TNRC6A: variants seen among roughly 807,000 people sequenced by gnomAD.
TNRC6A encodes the protein trinucleotide repeat containing adaptor 6A.
Under a neutral mutation model 221.2 loss-of-function variants are expected in TNRC6A, and 44 were observed. The observed-to-expected ratio is 0.20, with a 90% confidence interval of 0.16 to 0.26. TNRC6A has a LOEUF of 0.26. TNRC6A is among the 10% of genes least tolerant of loss of function. TNRC6A has a pLI of 1.00. For missense variants in TNRC6A, 2,199 were observed against 2,404.4 expected, an observed-to-expected ratio of 0.91 and a Z score of 1.79; for synonymous variants, 847 against 838.5, an observed-to-expected ratio of 1.01 and a Z score of -0.18.
At chr16:24,816,024 T>C (rs1283797763) in intron 19 of TNRC6A, 1 of 152,346 alleles carries the variant, frequency 6.6e-6, no homozygotes, top group African/African-American at 2.4e-5. Context: ...ATGTTACTGT[T>C]TAAAAATAAA....
chr16:24,757,072 A>G (rs1430220364), intron 3 of TNRC6A, among the ~76,000 whole-genome samples: 2 of 152,212 alleles, frequency 1.3e-5, no homozygotes, highest in Non-Finnish European at 2.9e-5. Context: ...TGATTTTCCC[A>G]GAAACAAATG....
chr16:24,766,346 T>C (rs915782259), intron 4 of TNRC6A, among the ~76,000 whole-genome samples: 1 of 152,218 alleles, frequency 6.6e-6, no homozygotes, highest in African/African-American at 2.4e-5. Context: ...TTGCCTGGCA[T>C]CTAGCTGATA....
intron 11 of TNRC6A, among the ~76,000 whole-genome samples, chr16:24,801,727 G>C (rs192779677): frequency 6.6e-6 from 1 of 151,996 alleles, no homozygotes; most frequent in Non-Finnish European, 1.5e-5. Context: ...TGCCTGCCTC[G>C]GCCTCCCAAA....
Position 24,809,342 on chromosome 16 carries a change from T to C in TNRC6A, c.4541-8T>C. On this transcript the variant is annotated splice_polypyrimidine_tract_variant and splice_region_variant and intron_variant, in intron 17 of 24. Coordinates refer to ENST00000395799, the MANE Select transcript of TNRC6A (RefSeq NM_014494.4). ...TCTAAGGTTTTGTTTTGTTTTTTAA[T>C]TTTTCAGGCTTGAACTCAAACTTGA... 1 of 1,503,450 alleles carries C rather than the reference T, an allele frequency of 6.7e-7. No individual in the cohort carries two copies. Among genetic ancestry groups the C allele is most frequent in the South Asian group, 1.4e-5 (1 of 71,126 alleles). The allele number at this position is 1,503,450 out of a possible 1,614,324, so 93.1% of individuals were successfully genotyped here.
At chr16:24,618,239 G>A (rs1900476905) in intron 1 of TNRC6A, among the ~76,000 whole-genome samples, 1 of 152,136 alleles carries the variant, frequency 6.6e-6, no homozygotes, top group South Asian at 2.1e-4. Context: ...TTTCAAGGCT[G>A]TGACTGAGCC....
chr16:24,770,782 T>C (rs1261872454), intron 4 of TNRC6A, among the ~76,000 whole-genome samples: 1 of 152,204 alleles, frequency 6.6e-6, no homozygotes, highest in Non-Finnish European at 1.5e-5. Flanking sequence ...CAAACTTTTT[T>C]GAACTCCAGA....
chr16:24,809,596 C>T (rs2058503152), intron 18 of TNRC6A, 115 bp downstream of exon 18: 3 of 1,262,274 alleles, frequency 2.4e-6, no homozygotes, highest in African/African-American at 1.5e-5. Flanking sequence ...TATCTTAGAA[C>T]TTTTCCTCAT....
intron 4 of TNRC6A, among the ~76,000 whole-genome samples, chr16:24,766,712 T>C (rs1350302420): frequency 6.7e-6 from 1 of 148,800 alleles, no homozygotes; most frequent in Non-Finnish European, 1.5e-5. Flanking sequence ...AGTCTCACTC[T>C]GTCGCCCACG....
At chr16:24,810,846 T>C (rs2152033599) in intron 18 of TNRC6A, among the ~76,000 whole-genome samples, 1 of 152,304 alleles carries the variant, frequency 6.6e-6, no homozygotes, top group Non-Finnish European at 1.5e-5. Context: ...TCAGTGGACA[T>C]GAGAGGGAGT....
intron 3 of TNRC6A, among the ~76,000 whole-genome samples, chr16:24,753,764 A>T (rs186527645): frequency 6.6e-6 from 1 of 152,262 alleles, no homozygotes; most frequent in Non-Finnish European, 1.5e-5. Flanking sequence ...AACTCACTAC[A>T]GTAAAAAGTA....
intron 2 of TNRC6A, among the ~76,000 whole-genome samples, chr16:24,697,717 C>T (rs1280225181): frequency 6.6e-6 from 1 of 151,464 alleles, no homozygotes; most frequent in African/African-American, 2.4e-5. Flanking sequence ...CGTAAACCTT[C>T]AACATCAGCA....
chr16:24,617,249 C>T (rs1900405066), intron 1 of TNRC6A, among the ~76,000 whole-genome samples: 3 of 151,982 alleles, frequency 2.0e-5, no homozygotes, highest in South Asian at 4.2e-4. Flanking sequence ...CATCAGCCTC[C>T]TGAGTAGCTG....
intron 2 of TNRC6A, among the ~76,000 whole-genome samples, chr16:24,730,726 T>A (rs971990221): frequency 1.2e-5 from 1 of 80,782 alleles, no homozygotes; most frequent in Admixed American, 1.2e-4. Context: ...ATACTATGTG[T>A]TCGCATTCCC....
At chr16:24,798,018 C>T in intron 11 of TNRC6A, 52 bp downstream of exon 11, 1 of 1,504,632 alleles carries the variant, frequency 6.6e-7, no homozygotes, top group East Asian at 2.3e-5. Context: ...CACGCACATC[C>T]ATGACATGAT....
intron 2 of TNRC6A, among the ~76,000 whole-genome samples, chr16:24,739,478 CTTTT>C: frequency 8.5e-6 from 1 of 118,286 alleles, no homozygotes; most frequent in South Asian, 2.7e-4. Flanking sequence ...TTTCCTTTCA[CTTTT>C]TTTTTTTTTT....
At chr16:24,626,330 GAACATAA>G (rs1900988100) in intron 1 of TNRC6A, among the ~76,000 whole-genome samples, 1 of 152,032 alleles carries the variant, frequency 6.6e-6, no homozygotes, top group African/African-American at 2.4e-5. Flanking sequence ...AGGAAAAAAA[GAACATAA>G]AGCAAACAAA....
intron 18 of TNRC6A, among the ~76,000 whole-genome samples, chr16:24,814,415 T>TTCTTTTTC (rs1334569576): frequency 7.4e-6 from 1 of 135,366 alleles, no homozygotes; most frequent in African/African-American, 2.9e-5. Flanking sequence ...TTTTCTTTTT[T>TTCTTTTTC]TTTTTTTTTT....
At chr16:24,802,993 G>A (rs1567500862) in intron 11 of TNRC6A, among the ~76,000 whole-genome samples, 1 of 152,218 alleles carries the variant, frequency 6.6e-6, no homozygotes, top group Admixed American at 6.5e-5. Context: ...TTGCAGAGCA[G>A]TCAGAATGAG....
chr16:24,660,209 G>A (rs1423353645), intron 2 of TNRC6A, among the ~76,000 whole-genome samples: 6 of 152,028 alleles, frequency 3.9e-5, no homozygotes, highest in Non-Finnish European at 7.4e-5. Context: ...CCAGTTTGTA[G>A]ACCTTTATCC....
Sources: gnomAD v4.1 joint callset for allele counts (sites outside exome capture counted in the v4.1 genomes callset) on GRCh38, gnomAD v4.1.1 for gene constraint, MANE v1.5 for transcripts, NCBI Gene and HGNC (gene_info 2026-07-23, HGNC 2026-07-21) for gene names.